The following WWC2 variants were observed in gnomAD, a reference collection of about 807,000 sequenced individuals.
WWC2 encodes the protein protein WWC2.
In WWC2, 101 loss-of-function variants were observed where a neutral mutation model predicts 138.5. The ratio of observed to expected loss-of-function variants is 0.73; its 90% CI spans 0.62 to 0.86. The LOEUF (loss-of-function observed/expected upper bound fraction) is 0.86, where lower values mean the gene tolerates loss of function less well. Ranked by LOEUF, WWC2 falls within the 40% of genes least tolerant of loss-of-function variation. The pLI is 0.00. For missense variants in WWC2, 1,420 were observed against 1,419.4 expected (o/e 1.00, Z -0.01); for synonymous variants, 558 against 538.4 (o/e 1.04, Z -0.50).
chr4:183,213,262 T>A (rs1735660241), intron 4 of WWC2, among the ~76,000 whole-genome samples: 1 of 152,226 alleles, frequency 6.6e-6, no homozygotes, highest in South Asian at 2.1e-4. Context: ...GCCCAGCCAT[T>A]CAGAAGTGGA....
At position 183,154,026 on chromosome 4, in the gene WWC2, A is replaced by AAACAAAAAAAC. The variant is rs1561438965; in HGVS notation, c.132-39570_132-39569insAAAAAAACAAC. ...GCAAAAAAAAAAAAAAAAAAAAAAA[A>AAACAAAAAAAC]AACCCCAAATCTAATTCATCATTTA... On this transcript the variant is annotated intron_variant, in intron 1 of 22. Coordinates refer to ENST00000403733, the MANE Select transcript of WWC2 (RefSeq NM_024949.6). Among the ~76,000 whole-genome samples the AAACAAAAAAAC allele has an allele frequency of 1.4e-3, 205 of 145,640 alleles. 8 individuals are homozygous for AAACAAAAAAAC. Among genetic ancestry groups the AAACAAAAAAAC allele is most frequent in the African/African-American group, 5.3e-3 (193 of 36,392 alleles).
At chr4:183,246,879 AAAAGTT>A (rs1036073209) in intron 6 of WWC2, among the ~76,000 whole-genome samples, 9 of 152,186 alleles carry the variant, frequency 5.9e-5, no homozygotes, top group Admixed American at 5.9e-4. Context: ...CTTTAAAAAA[AAAAGTT>A]AATAGAACTG....
Position 183,170,305 on chromosome 4 carries a change from C to T in WWC2, c.132-23294C>T, listed in dbSNP as rs184401917. Among the ~76,000 whole-genome samples the T allele has an allele frequency of 6.6e-5, 10 of 152,294 alleles. No homozygotes were observed. The East Asian group carries it at 1.7e-3, about 26-fold the overall frequency. Reference sequence around the variant, plus strand: ...GGGGACCAGCTAACCAGTTCAGCCTCACTGAGGCTCGAAGTGTATAAACTA... The same window carrying T: ...GGGGACCAGCTAACCAGTTCAGCCTTACTGAGGCTCGAAGTGTATAAACTA... On this transcript the variant is annotated intron_variant, in intron 1 of 22. Coordinates refer to ENST00000403733, the MANE Select transcript of WWC2 (RefSeq NM_024949.6).
chr4:183,102,758 G>A (rs549519716), intron 1 of WWC2, among the ~76,000 whole-genome samples: 1 of 152,112 alleles, frequency 6.6e-6, no homozygotes, highest in Admixed American at 6.5e-5. Context: ...CCCACTCCCC[G>A]AGTGTTATTT....
intron 16 of WWC2, among the ~76,000 whole-genome samples, chr4:183,278,164 A>G (rs1737931586): frequency 6.6e-6 from 1 of 152,130 alleles, no homozygotes; most frequent in African/African-American, 2.4e-5. Context: ...ATAAGGTATA[A>G]GGAAGGGATC....
chr4:183,185,349 C>A (rs1734760743), intron 1 of WWC2, among the ~76,000 whole-genome samples: 2 of 152,100 alleles, frequency 1.3e-5, no homozygotes, highest in South Asian at 4.1e-4. Context: ...AGTAGTCAGA[C>A]AATATGAACA....
intron 2 of WWC2, among the ~76,000 whole-genome samples, chr4:183,194,573 CTG>C (rs1341885521): frequency 6.6e-6 from 1 of 152,072 alleles, no homozygotes; most frequent in Middle Eastern, 3.2e-3. Context: ...ATGTAGTACT[CTG>C]TAGTATCTTT....
At chr4:183,210,253 CAG>C (rs1560844684) in intron 4 of WWC2, among the ~76,000 whole-genome samples, 2 of 151,872 alleles carry the variant, frequency 1.3e-5, no homozygotes, top group Non-Finnish European at 2.9e-5. Flanking sequence ...GAGAATAAAA[CAG>C]TGGTTACCGT....
intron 21 of WWC2, among the ~76,000 whole-genome samples, chr4:183,291,371 G>A (rs888868262): frequency 3.9e-5 from 6 of 152,210 alleles, no homozygotes; most frequent in African/African-American, 1.2e-4. Flanking sequence ...GCAGGTGGAA[G>A]GTAGTCTTAT....
At chr4:183,103,993 A>G (rs1457449990) in intron 1 of WWC2, among the ~76,000 whole-genome samples, 3 of 150,090 alleles carry the variant, frequency 2.0e-5, no homozygotes, top group Non-Finnish European at 4.4e-5. Context: ...AGAGTCTCAC[A>G]TTGTCGCCCA....
chr4:183,317,861 G>C lies in WWC2; in HGVS notation c.*2132G>C, dbSNP rs140129511. On this transcript the variant is annotated 3_prime_UTR_variant, in exon 23 of 23. Transcript: ENST00000403733. ...GCTGGTAGTTAGCAGTTGTGACCAAGATGCTTTTGGTTGTTGTATTTCACA... is the reference window on the plus strand; with the variant it reads ...GCTGGTAGTTAGCAGTTGTGACCAACATGCTTTTGGTTGTTGTATTTCACA... 3.9e-5 allele frequency: 6 copies of C among 152,278 alleles called. No homozygotes were observed. Among genetic ancestry groups the C allele is most frequent in the Admixed American group, 2.6e-4 (4 of 15,294 alleles). The allele number at this position is 152,278 out of a possible 1,614,324, so 9.4% of individuals were successfully genotyped here.
At chr4:183,235,865 C>T (rs1736409012) in intron 4 of WWC2, among the ~76,000 whole-genome samples, 1 of 152,180 alleles carries the variant, frequency 6.6e-6, no homozygotes, top group South Asian at 2.1e-4. Context: ...ATTGACCTAT[C>T]ATCATAATCC....
At chr4:183,257,392 C>T (rs200947134) in intron 9 of WWC2, among the ~76,000 whole-genome samples, 74 of 152,272 alleles carry the variant, frequency 4.9e-4, no homozygotes, top group African/African-American at 1.7e-3. Context: ...CTGTGCTTCT[C>T]TCCTGCAGGG....
chr4:183,197,910 G>C (rs907517011), intron 2 of WWC2, among the ~76,000 whole-genome samples: 2 of 152,138 alleles, frequency 1.3e-5, no homozygotes, highest in African/African-American at 4.8e-5. Flanking sequence ...TTTCCAGTCA[G>C]CCCTCCCTAC....
chr4:183,305,385 T>C (rs1415990292), intron 21 of WWC2, among the ~76,000 whole-genome samples: 2 of 151,926 alleles, frequency 1.3e-5, no homozygotes, highest in African/African-American at 4.8e-5. Context: ...TGTCAAACAT[T>C]AAACCACAGA....
chr4:183,176,653 C>T (rs560884695), intron 1 of WWC2, among the ~76,000 whole-genome samples: 1 of 152,254 alleles, frequency 6.6e-6, no homozygotes, highest in African/African-American at 2.4e-5. Context: ...GAACTCCTGA[C>T]CTCAGGTGAT....
In WWC2 at chr4:183,315,651, C is replaced by T; in HGVS notation, c.3513-12C>T. 1 of 1,609,486 alleles carries T rather than the reference C, an allele frequency of 6.2e-7. No homozygotes were observed. Among genetic ancestry groups the T allele is most frequent in the Non-Finnish European group, 8.5e-7 (1 of 1,177,168 alleles). ...CATATATAAGTCAATTTATTTCTCA[C>T]CCCAACTCTAGGGAGAAGATTGCCT... is the stretch of plus-strand genomic sequence containing the variant. On this transcript the variant is annotated splice_polypyrimidine_tract_variant and intron_variant, in intron 22 of 22. Coordinates refer to ENST00000403733, the MANE Select transcript of WWC2 (RefSeq NM_024949.6).
At chr4:183,217,974 A>G (rs1735804090) in intron 4 of WWC2, among the ~76,000 whole-genome samples, 1 of 152,228 alleles carries the variant, frequency 6.6e-6, no homozygotes, top group African/African-American at 2.4e-5. Flanking sequence ...CCAGAAATCA[A>G]TGGTAAAGAG....
intron 6 of WWC2, among the ~76,000 whole-genome samples, chr4:183,247,622 A>G (rs1164492848): frequency 7.6e-6 from 1 of 130,850 alleles, no homozygotes; most frequent in African/African-American, 3.4e-5. Flanking sequence ...TACTATATAT[A>G]CTATATACTA....
Sources: allele counts gnomAD v4.1 joint callset (sites outside exome capture counted in the v4.1 genomes callset), GRCh38; gene constraint gnomAD v4.1.1; transcripts MANE v1.5; gene names NCBI Gene and HGNC (gene_info 2026-07-23, HGNC 2026-07-21).